TESC: variants seen among roughly 807,000 people sequenced by gnomAD.
The protein encoded by TESC is calcineurin B homologous protein 3.
In TESC, 19 loss-of-function variants were observed where a neutral mutation model predicts 31.0. The ratio of observed to expected loss-of-function variants is 0.61; its 90% CI spans 0.43 to 0.90. The LOEUF (loss-of-function observed/expected upper bound fraction) is 0.90, where lower values mean the gene tolerates loss of function less well. Ranked by LOEUF, TESC falls within the 40% of genes least tolerant of loss-of-function variation. The pLI, the probability that TESC is intolerant of heterozygous loss-of-function variation, is 0.00. For missense variants in TESC, 248 were observed against 303.8 expected (o/e 0.82, Z 1.36); for synonymous variants, 109 against 114.8 (o/e 0.95, Z 0.32).
chr12:117,061,604 A>C (rs1475489956), intron 2 of TESC, among the ~76,000 whole-genome samples: 1 of 152,132 alleles, frequency 6.6e-6, no homozygotes, highest in Non-Finnish European at 1.5e-5. Context: ...TGCTGGCTTC[A>C]CAACCCCCAG....
At chr12:117,089,055 A>C (rs564028770) in intron 1 of TESC, among the ~76,000 whole-genome samples, 1 of 152,312 alleles carries the variant, frequency 6.6e-6, no homozygotes, top group East Asian at 1.9e-4. Context: ...GCCTCTGCAC[A>C]TCAGGTGGGT....
chr12:117,085,166 G>A (rs1014140108), intron 1 of TESC, among the ~76,000 whole-genome samples: 2 of 152,212 alleles, frequency 1.3e-5, no homozygotes, highest in African/African-American at 4.8e-5. Context: ...GCATAGCCTT[G>A]GCAGAGGCAG....
intron 4 of TESC, 112 bp downstream of exon 4, chr12:117,048,907 C>G (rs1954606427): frequency 1.3e-6 from 2 of 1,549,464 alleles, no homozygotes; most frequent in Non-Finnish European, 1.7e-6. Context: ...CCTCCAAGCC[C>G]CCAAGCCAAT....
chr12:117,075,184 G>A (rs189036402), intron 2 of TESC, 87 bp downstream of exon 2: 8 of 1,319,464 alleles, frequency 6.1e-6, no homozygotes, highest in African/African-American at 1.5e-5. Flanking sequence ...AACTACCCCC[G>A]CTACTCAGCA....
At chr12:117,061,812 C>G (rs186978457) in intron 2 of TESC, among the ~76,000 whole-genome samples, 2 of 152,244 alleles carry the variant, frequency 1.3e-5, no homozygotes, top group East Asian at 3.9e-4. Context: ...GGGTCAAACA[C>G]AAGGTGGGGA....
intron 2 of TESC, among the ~76,000 whole-genome samples, chr12:117,062,119 A>G (rs1328306276): frequency 6.6e-6 from 1 of 152,206 alleles, no homozygotes; most frequent in African/African-American, 2.4e-5. Context: ...ACAGCAGCTA[A>G]CCTACGTACC....
In TESC at chr12:117,041,804, G is replaced by A. The variant is rs995933978; in HGVS notation, c.567+143C>T. The A allele has an allele frequency of 2.0e-5, 15 of 737,174 alleles. No homozygotes were observed. The African/African-American group carries it at 2.3e-4, about 11-fold the overall frequency. 45.7% of individuals were successfully genotyped at this position (737,174 alleles called of 1,614,324 possible). A position where few individuals can be genotyped will look rare whatever the true frequency, so the allele number is the denominator to read the frequency against. On this transcript the variant is annotated intron_variant, in intron 7 of 7. Coordinates refer to ENST00000335209, the MANE Select transcript of TESC (RefSeq NM_017899.4). Reference sequence around the variant, plus strand: ...AAATTGCTTTAAAGGCCATGCCCAGGTTGACCCCTTCCTACTGAGATGTTG... The same window carrying A: ...AAATTGCTTTAAAGGCCATGCCCAGATTGACCCCTTCCTACTGAGATGTTG...
chr12:117,096,227 C>T (rs538758442), intron 1 of TESC, among the ~76,000 whole-genome samples: 1 of 152,176 alleles, frequency 6.6e-6, no homozygotes, highest in African/African-American at 2.4e-5. Context: ...TCATCTTGGT[C>T]CTCAGGGAGG....
At chr12:117,070,726 G>A (rs1348865589) in intron 2 of TESC, among the ~76,000 whole-genome samples, 2 of 152,170 alleles carry the variant, frequency 1.3e-5, no homozygotes, top group African/African-American at 4.8e-5. Flanking sequence ...AATGGGGAGA[G>A]TGAGCGTCCC....
intron 6 of TESC, among the ~76,000 whole-genome samples, chr12:117,044,087 C>T (rs1183043192): frequency 6.6e-6 from 1 of 152,002 alleles, no homozygotes; most frequent in Admixed American, 6.6e-5. Context: ...TTTAGCAAAA[C>T]ATCTCTTTTT....
At chr12:117,097,576 A>G (rs1955412286) in intron 1 of TESC, among the ~76,000 whole-genome samples, 1 of 152,176 alleles carries the variant, frequency 6.6e-6, no homozygotes, top group Non-Finnish European at 1.5e-5. Context: ...AGCAGAGGAG[A>G]CCCAAGCAAG....
chr12:117,095,185 C>T (rs971184840), intron 1 of TESC, among the ~76,000 whole-genome samples: 8 of 151,962 alleles, frequency 5.3e-5, no homozygotes, highest in African/African-American at 1.4e-4. Flanking sequence ...AGCGATTCTC[C>T]GACCTCAGCC....
chr12:117,083,946 T>C (rs956899670), intron 1 of TESC: 7 of 151,968 alleles, frequency 4.6e-5, no homozygotes, highest in African/African-American at 1.7e-4. Context: ...ATACAAAAAT[T>C]AGCCAAATGT....
Position 117,038,969 on chromosome 12 carries a change from G to C in TESC, c.*164C>G. The C allele has an allele frequency of 1.9e-6, 1 of 526,808 alleles. No homozygotes were observed. Among genetic ancestry groups the C allele is most frequent in the Non-Finnish European group, 3.2e-6 (1 of 308,650 alleles). 32.6% of individuals were successfully genotyped at this position (526,808 alleles called of 1,614,324 possible). Reference sequence around the variant, plus strand: ...TTTTTTTATTGGAGATAAAAACAGCGAAGTCCCACATACCATACCCTACAA... The same window carrying C: ...TTTTTTTATTGGAGATAAAAACAGCCAAGTCCCACATACCATACCCTACAA... On this transcript the variant is annotated 3_prime_UTR_variant, in exon 8 of 8. Coordinates refer to ENST00000335209, the MANE Select transcript of TESC (RefSeq NM_017899.4).
chr12:117,085,012 C>T (rs374445892), intron 1 of TESC, among the ~76,000 whole-genome samples: 1 of 152,254 alleles, frequency 6.6e-6, no homozygotes, highest in African/African-American at 2.4e-5. Context: ...TGCACATCCC[C>T]TCGCCAGGAT....
At chr12:117,053,030 G>A (rs556468483) in intron 3 of TESC, among the ~76,000 whole-genome samples, 17 of 152,112 alleles carry the variant, frequency 1.1e-4, no homozygotes, top group South Asian at 6.2e-4. Flanking sequence ...AGACCTCACC[G>A]CCCCTTCCTG....
rs549097578 is a variant in TESC, at chr12:117,041,826, G to A, written c.567+121C>T. Reference sequence around the variant, plus strand: ...CAGGTTGACCCCTTCCTACTGAGATGTTGGTCACCCAGGAAGCCTGTCCCT... The same window carrying A: ...CAGGTTGACCCCTTCCTACTGAGATATTGGTCACCCAGGAAGCCTGTCCCT... On this transcript the variant is annotated intron_variant, in intron 7 of 7. Coordinates refer to ENST00000335209, the MANE Select transcript of TESC (RefSeq NM_017899.4). 12 of 977,366 alleles carry A rather than the reference G, an allele frequency of 1.2e-5. No homozygotes were observed. The East Asian group carries it at 2.5e-4, about 20-fold the overall frequency. 60.5% of individuals were successfully genotyped at this position (977,366 alleles called of 1,614,324 possible).
chr12:117,072,554 A>G (rs2135781857), intron 2 of TESC, among the ~76,000 whole-genome samples: 1 of 152,328 alleles, frequency 6.6e-6, no homozygotes, highest in Admixed American at 6.5e-5. Flanking sequence ...CTGCATCTCT[A>G]TGCATGTAGA....
intron 2 of TESC, among the ~76,000 whole-genome samples, chr12:117,060,860 A>C (rs1420846367): frequency 2.0e-5 from 3 of 152,188 alleles, no homozygotes; most frequent in African/African-American, 7.2e-5. Context: ...CTCCAGAGGG[A>C]ATCTGGGAGA....
Sources: gnomAD v4.1 joint callset for allele counts (sites outside exome capture counted in the v4.1 genomes callset) on GRCh38, gnomAD v4.1.1 for gene constraint, MANE v1.5 for transcripts, NCBI Gene and HGNC (gene_info 2026-07-23, HGNC 2026-07-21) for gene names.